CDH10: variants seen among roughly 807,000 people sequenced by gnomAD.
CDH10 encodes the protein cadherin 10.
In CDH10, 30 loss-of-function variants were observed where a neutral mutation model predicts 73.1. The observed-to-expected ratio is 0.41, with a 90% confidence interval of 0.31 to 0.56. The LOEUF is 0.56. CDH10 is among the 20% of genes least tolerant of loss of function. CDH10 has a pLI of 0.27. For synonymous variants in CDH10, 345 were observed against 348.2 expected (o/e 0.99, Z 0.10); for missense variants, 815 against 973.7 (o/e 0.84, Z 2.17).
At chr5:24,538,660 G>A (rs182532450) in intron 2 of CDH10, among the ~76,000 whole-genome samples, 3 of 151,884 alleles carry the variant, frequency 2.0e-5, no homozygotes, top group Non-Finnish European at 1.5e-5. Flanking sequence ...ACTAGTGACT[G>A]AGTCTAACCT....
rs1395025 is a variant in CDH10 at position 24,638,961 on chromosome 5, C to A, written c.-124+5633G>T. On this transcript the variant is annotated intron_variant, in intron 1 of 11. Coordinates refer to ENST00000264463, the MANE Select transcript of CDH10 (RefSeq NM_006727.5). ...GATCTTATTAGCAATAGATTTAAAC[C>A]ACTTGAGTTAGAGGTATAAAAATTT... Among the ~76,000 whole-genome samples the A allele has an allele frequency of 2.0e-5, 3 of 151,326 alleles. No individual in the cohort carries two copies. In the East Asian group the frequency reaches 5.8e-4, roughly 29 times the overall value.
At position 24,627,453 on chromosome 5, in the gene CDH10, A is replaced by G. The variant is rs147300313; in HGVS notation, c.-124+17141T>C. 3.6e-3 allele frequency among the ~76,000 whole-genome samples: 554 copies of G among 152,306 alleles called. 7 individuals carry two copies. The highest frequency in any genetic ancestry group is 0.012 in the African/African-American group (518 of 41,570). Reference sequence around the variant, plus strand: ...AAAATATAGAGTGAAATAATAGATCACATATTTTTTCCTCTCAGGAATACA... The same window carrying G: ...AAAATATAGAGTGAAATAATAGATCGCATATTTTTTCCTCTCAGGAATACA... On this transcript the variant is annotated intron_variant, in intron 1 of 11. Transcript: ENST00000264463.
chr5:24,639,335 T>C (rs1332656539), intron 1 of CDH10, among the ~76,000 whole-genome samples: 1 of 151,676 alleles, frequency 6.6e-6, no homozygotes, highest in African/African-American at 2.4e-5. Flanking sequence ...ACAGTTACAT[T>C]TTAAAAGTTT....
At chr5:24,557,973 A>G (rs1386265529) in intron 2 of CDH10, among the ~76,000 whole-genome samples, 1 of 151,832 alleles carries the variant, frequency 6.6e-6, no homozygotes, top group Non-Finnish European at 1.5e-5. Context: ...CACCCCCAGA[A>G]TTCAAATTTT....
chr5:24,545,135 A>C (rs910558732), intron 2 of CDH10, among the ~76,000 whole-genome samples: 5 of 152,160 alleles, frequency 3.3e-5, no homozygotes, highest in Non-Finnish European at 7.4e-5. Flanking sequence ...GAGAAAGTTC[A>C]TATTATTTTA....
At chr5:24,539,164 C>A (rs2048008) in intron 2 of CDH10, among the ~76,000 whole-genome samples, 59,656 of 151,606 alleles carry the variant, frequency 0.39, 12,658 homozygotes, top group Admixed American at 0.52. Flanking sequence ...ATTGAGAATT[C>A]GAGACAATAA....
At chr5:24,586,434 C>CTTTTTTTTTTTTT (rs35486231) in intron 2 of CDH10, among the ~76,000 whole-genome samples, 2 of 100,422 alleles carry the variant, frequency 2.0e-5, no homozygotes, top group African/African-American at 8.2e-5. Flanking sequence ...TTATTAACTC[C>CTTTTTTTTTTTTT]TTTTTTTTTT....
chr5:24,594,974 C>T (rs1332930089), intron 1 of CDH10, among the ~76,000 whole-genome samples: 1 of 151,802 alleles, frequency 6.6e-6, no homozygotes, highest in Non-Finnish European at 1.5e-5. Flanking sequence ...CAAGTCAATG[C>T]AAATATTTGA....
chr5:24,634,029 C>T (rs1049816501), intron 1 of CDH10, among the ~76,000 whole-genome samples: 31 of 151,752 alleles, frequency 2.0e-4, no homozygotes, highest in African/African-American at 7.2e-4. Flanking sequence ...ACTTCAAAAA[C>T]GTAAATTCAT....
intron 1 of CDH10, among the ~76,000 whole-genome samples, chr5:24,625,587 A>T (rs1195753477): frequency 6.7e-6 from 1 of 148,264 alleles, no homozygotes; most frequent in Non-Finnish European, 1.5e-5. Flanking sequence ...ATATTCATAT[A>T]TATGAATATA....
chr5:24,530,028 T>TG (rs1178841608), intron 5 of CDH10, among the ~76,000 whole-genome samples: 1 of 149,778 alleles, frequency 6.7e-6, no homozygotes, highest in Non-Finnish European at 1.5e-5. Flanking sequence ...TTTTTTTTTT[T>TG]TTTTTTTTGA....
At chr5:24,643,052 A>G (rs765500339) in intron 1 of CDH10, among the ~76,000 whole-genome samples, 3 of 151,602 alleles carry the variant, frequency 2.0e-5, no homozygotes, top group Non-Finnish European at 4.4e-5. Flanking sequence ...ACGTGTCCCT[A>G]AGGCACAGAT....
At chr5:24,513,883 T>C (rs6452209) in intron 5 of CDH10, among the ~76,000 whole-genome samples, 72,680 of 151,836 alleles carry the variant, frequency 0.48, 17,510 homozygotes, top group East Asian at 0.58. Flanking sequence ...AGAGCTTTCA[T>C]TAATAGCTTA....
chr5:24,564,521 C>T (rs1262864473), intron 2 of CDH10, among the ~76,000 whole-genome samples: 4 of 152,036 alleles, frequency 2.6e-5, no homozygotes, highest in South Asian at 2.1e-4. Context: ...TCTTGGGTTC[C>T]GTGCTGCTGA....
chr5:24,567,518 A>G (rs1035988527), intron 2 of CDH10, among the ~76,000 whole-genome samples: 1 of 151,892 alleles, frequency 6.6e-6, no homozygotes, highest in Non-Finnish European at 1.5e-5. Flanking sequence ...CTCAAAAAAT[A>G]CGCTGAGAAA....
At chr5:24,541,443 G>A (rs1307598259) in intron 2 of CDH10, among the ~76,000 whole-genome samples, 2 of 151,996 alleles carry the variant, frequency 1.3e-5, no homozygotes, top group Non-Finnish European at 2.9e-5. Flanking sequence ...TATAACTGCA[G>A]CTTTCTCATG....
intron 9 of CDH10, 25 bp downstream of exon 9, chr5:24,498,373 G>C (rs746115406): frequency 1.3e-6 from 2 of 1,528,552 alleles, no homozygotes; most frequent in Admixed American, 2.0e-5. Context: ...AATCTTTCCA[G>C]AGTTTTAATC....
At chr5:24,592,237 T>C (rs1746223909) in intron 2 of CDH10, among the ~76,000 whole-genome samples, 1 of 151,778 alleles carries the variant, frequency 6.6e-6, no homozygotes, top group Admixed American at 6.6e-5. Flanking sequence ...AAAACAGGGT[T>C]TTTAGAAGAA....
intron 1 of CDH10, among the ~76,000 whole-genome samples, chr5:24,606,633 A>C (rs1746772672): frequency 6.6e-6 from 1 of 151,888 alleles, no homozygotes; most frequent in Admixed American, 6.6e-5. Context: ...ACAAACAAAC[A>C]AAAAAAAGAT....
Sources: gnomAD v4.1 joint callset for allele counts (sites outside exome capture counted in the v4.1 genomes callset) on GRCh38, gnomAD v4.1.1 for gene constraint, MANE v1.5 for transcripts, NCBI Gene and HGNC (gene_info 2026-07-23, HGNC 2026-07-21) for gene names.